BRMS1L: variants seen among roughly 807,000 people sequenced by gnomAD.
BRMS1L encodes BRMS1 like transcriptional repressor.
A neutral mutation model predicts 50.3 loss-of-function variants in BRMS1L; 23 were observed. That is an observed-to-expected ratio of 0.46 (90% CI 0.33 to 0.65). The LOEUF is 0.65. BRMS1L is among the 30% of genes least tolerant of loss of function. The pLI is 0.02. For synonymous variants in BRMS1L, 114 were observed against 126.9 expected (o/e 0.90, Z 0.69); for missense variants, 286 against 386.1 (o/e 0.74, Z 2.17).
At chr14:35,855,053 T>G (rs1487439110) in intron 4 of BRMS1L, among the ~76,000 whole-genome samples, 3 of 152,262 alleles carry the variant, frequency 2.0e-5, no homozygotes, top group African/African-American at 7.2e-5. Context: ...ATTGTAGTCC[T>G]TCGGGGCTTT....
At position 35,831,413 on chromosome 14, in the gene BRMS1L, T is replaced by A; in HGVS notation, c.146T>A (p.Met49Lys). The A allele has an allele frequency of 6.2e-7, 1 of 1,610,646 alleles. No homozygotes were observed. Residue 49 changes from methionine to lysine, a missense_variant, in exon 2 of 10, where the codon ATG becomes AAG. Coordinates refer to ENST00000216807, the MANE Select transcript of BRMS1L (RefSeq NM_032352.4). The stretch of plus-strand genomic sequence containing the variant: ...ATATTTGCCTTTTTATTAACAGAAA[T>A]GGATGATGAAGACTGTGAAAGAAGA... The part of the protein sequence containing the change: ...SVSEDGDSSE[M>K]DDEDCERRRM...
intron 4 of BRMS1L, among the ~76,000 whole-genome samples, chr14:35,838,721 G>T (rs953631641): frequency 1.0e-3 from 155 of 152,096 alleles, no homozygotes; most frequent in African/African-American, 3.5e-3. Flanking sequence ...TGATGGGGTT[G>T]TTTTTTTCTT....
intron 4 of BRMS1L, among the ~76,000 whole-genome samples, chr14:35,843,082 C>G (rs762248331): frequency 1.2e-4 from 18 of 152,242 alleles, no homozygotes; most frequent in Middle Eastern, 3.4e-3. Context: ...TTCCTGTAGC[C>G]TTTTATCAAG....
intron 1 of BRMS1L, among the ~76,000 whole-genome samples, chr14:35,828,143 GAA>G (rs2077868228): frequency 6.6e-6 from 1 of 152,046 alleles, no homozygotes; most frequent in Non-Finnish European, 1.5e-5. Context: ...GAAGGTGAAA[GAA>G]AAGAGTATTT....
intron 4 of BRMS1L, chr14:35,858,806 A>G (rs1392341286): frequency 2.0e-5 from 3 of 152,150 alleles, no homozygotes; most frequent in Non-Finnish European, 4.4e-5. Context: ...CCACAGGCTG[A>G]TTGAGTGTCC....
At chr14:35,841,080 A>G (rs557866917) in intron 4 of BRMS1L, among the ~76,000 whole-genome samples, 11 of 152,030 alleles carry the variant, frequency 7.2e-5, no homozygotes, top group Non-Finnish European at 1.6e-4. Flanking sequence ...CAAATAACTT[A>G]TTTATTTCTG....
intron 4 of BRMS1L, among the ~76,000 whole-genome samples, chr14:35,840,813 A>AT (rs1016780196): frequency 6.6e-5 from 10 of 151,300 alleles, no homozygotes; most frequent in Non-Finnish European, 1.0e-4. Context: ...GGATTCATTG[A>AT]TTTTTTTTGA....
rs1346073606 is a variant in BRMS1L at position 35,826,476 on chromosome 14, G to C, written c.-41G>C. 6.4e-7 allele frequency: 1 copy of C among 1,555,136 alleles called. No individual in the cohort carries two copies. Among genetic ancestry groups the C allele is most frequent in the Non-Finnish European group, 8.7e-7 (1 of 1,149,632 alleles). On this transcript the variant is annotated 5_prime_UTR_variant, in exon 1 of 10. Transcript: ENST00000216807. ...CCCTTCATTGAAGCGGCGGTGGCCG[G>C]GCTGGGCGCCGGTAGTGGAAAGCGA... is the stretch of plus-strand genomic sequence containing the variant.
chr14:35,839,267 A>G lies in BRMS1L; in HGVS notation c.441+4344A>G, dbSNP rs573601163. Among the ~76,000 whole-genome samples the G allele has an allele frequency of 1.1e-4, 17 of 152,314 alleles. No homozygotes were observed. In the South Asian group the frequency reaches 3.5e-3, roughly 32 times the overall value. ...GTACCAGTACCATGCTGTTCTGGTT[A>G]CTGTAGGCTTGTAATATAGTTTGAA... On this transcript the variant is annotated intron_variant, in intron 4 of 9. Coordinates refer to ENST00000216807, the MANE Select transcript of BRMS1L (RefSeq NM_032352.4).
At chr14:35,867,380 A>G (rs1393460947) in intron 8 of BRMS1L, among the ~76,000 whole-genome samples, 1 of 152,154 alleles carries the variant, frequency 6.6e-6, no homozygotes, top group African/African-American at 2.4e-5. Context: ...GTTTCCATAA[A>G]AAAGATTTTT....
chr14:35,859,092 C>T (rs1188891200), intron 4 of BRMS1L, among the ~76,000 whole-genome samples: 1 of 151,966 alleles, frequency 6.6e-6, no homozygotes, highest in Non-Finnish European at 1.5e-5. Flanking sequence ...CAGGTTCCTG[C>T]ACCACGCCCG....
intron 8 of BRMS1L, chr14:35,865,974 A>C (rs968179864): frequency 3.9e-6 from 2 of 512,554 alleles, no homozygotes; most frequent in Non-Finnish European, 6.8e-6. Flanking sequence ...GTTCAGCTAC[A>C]TTCTTATTGC....
chr14:35,849,988 A>AT (rs1479317813), intron 4 of BRMS1L, among the ~76,000 whole-genome samples: 4 of 148,180 alleles, frequency 2.7e-5, no homozygotes, highest in African/African-American at 1.0e-4. Context: ...CCTGGCTAAT[A>AT]TTTTTTGTAT....
intron 4 of BRMS1L, 91 bp downstream of exon 4, chr14:35,835,014 A>G: frequency 3.9e-6 from 3 of 775,418 alleles, no homozygotes; most frequent in Non-Finnish European, 5.6e-6. Flanking sequence ...AAGTAAAACA[A>G]TATTAAATAG....
intron 8 of BRMS1L, 57 bp downstream of exon 8, chr14:35,865,818 G>A: frequency 1.4e-6 from 2 of 1,459,596 alleles, no homozygotes; most frequent in Non-Finnish European, 1.9e-6. Context: ...TTGAATCAGG[G>A]TTGTTATCTA....
chr14:35,840,935 G>C (rs10467758), intron 4 of BRMS1L, among the ~76,000 whole-genome samples: 2,664 of 152,082 alleles, frequency 0.018, 75 homozygotes, highest in African/African-American at 0.062. Context: ...TCTTTTAATT[G>C]TGATGTTAGG....
At chr14:35,849,353 T>C (rs549151625) in intron 4 of BRMS1L, among the ~76,000 whole-genome samples, 43 of 152,336 alleles carry the variant, frequency 2.8e-4, no homozygotes, top group Admixed American at 2.2e-3. Flanking sequence ...AGTGACACGA[T>C]CATAGCTTAC....
intron 3 of BRMS1L, among the ~76,000 whole-genome samples, chr14:35,834,466 A>G (rs1344615778): frequency 6.6e-6 from 1 of 152,194 alleles, no homozygotes; most frequent in African/African-American, 2.4e-5. Flanking sequence ...TACTCTGAGT[A>G]TATGTGATTG....
chr14:35,844,308 C>G (rs2078104603), intron 4 of BRMS1L, among the ~76,000 whole-genome samples: 1 of 152,154 alleles, frequency 6.6e-6, no homozygotes. Context: ...ACCCAGGGCC[C>G]TGGTGACGTA....
Sources: gnomAD v4.1 joint callset for allele counts (sites outside exome capture counted in the v4.1 genomes callset) on GRCh38, gnomAD v4.1.1 for gene constraint, MANE v1.5 for transcripts, NCBI Gene and HGNC (gene_info 2026-07-23, HGNC 2026-07-21) for gene names.